The following RASGRP2 variants were observed in gnomAD, a reference collection of about 807,000 sequenced individuals.
The protein encoded by RASGRP2 is RAS guanyl releasing protein 2.
RASGRP2 carries 44 observed loss-of-function variants against 71.0 expected under a neutral mutation model. The observed-to-expected ratio is 0.62, with a 90% CI of 0.49 to 0.80. The LOEUF (loss-of-function observed/expected upper bound fraction) is 0.80. Ranked by LOEUF, RASGRP2 falls within the 30% of genes least tolerant of loss-of-function variation. The pLI, the probability that RASGRP2 is intolerant of heterozygous loss-of-function variation, is 0.00. For synonymous variants in RASGRP2, 350 were observed against 330.7 expected, an observed-to-expected ratio of 1.06 and a Z score of -0.63; for missense variants, 663 against 813.4, an observed-to-expected ratio of 0.82 and a Z score of 2.25.
chr11:64,734,267 G>A (rs1565505792), intron 12 of RASGRP2, among the ~76,000 whole-genome samples: 1 of 151,570 alleles, frequency 6.6e-6, no homozygotes, highest in Non-Finnish European at 1.5e-5. Context: ...AGCCGAGATT[G>A]TACCACTGCA....
At chr11:64,737,963 G>A (rs541183465) in intron 8 of RASGRP2, among the ~76,000 whole-genome samples, 17 of 151,780 alleles carry the variant, frequency 1.1e-4, no homozygotes, top group Non-Finnish European at 1.9e-4. Context: ...CGAGAATCAC[G>A]TAAACCCAGG....
At position 64,739,163 on chromosome 11, in the gene RASGRP2, G is replaced by A. The variant is rs898421712; in HGVS notation, c.813+197C>T. 2.6e-5 allele frequency among the ~76,000 whole-genome samples: 4 copies of A among 151,048 alleles called. No homozygotes were observed. Among genetic ancestry groups the A allele is most frequent in the Non-Finnish European group, 5.9e-5 (4 of 67,826 alleles). The stretch of plus-strand genomic sequence containing the variant: ...CTTAAAAAAAAAAAAAAAAGTACTA[G>A]CTTTGGGGTCCCTGACGACCTGTGA... On this transcript the variant is annotated intron_variant, in intron 8 of 16. Coordinates refer to ENST00000394432, the MANE Select transcript of RASGRP2 (RefSeq NM_001098671.2). This position sits in a 1 kb window ranked among gnomAD's most constrained non-coding sequence, Gnocchi z 4.2.
chr11:64,727,507 T>A (rs2057605218), intron 15 of RASGRP2, 147 bp from the exon 16 acceptor site: 1 of 3,376 alleles, frequency 3.0e-4, no homozygotes, highest in Non-Finnish European at 3.2e-3. Flanking sequence ...CACAGCCCAA[T>A]TTTTTTTTTT....
intron 12 of RASGRP2, among the ~76,000 whole-genome samples, chr11:64,731,632 G>A (rs747769604): frequency 3.3e-5 from 5 of 152,064 alleles, no homozygotes; most frequent in Non-Finnish European, 7.3e-5. Context: ...TAGAATAATG[G>A]ACAAGGAATC....
chr11:64,730,259 C>G, intron 12 of RASGRP2, 65 bp from the exon 13 acceptor site: 1 of 1,544,162 alleles, frequency 6.5e-7, no homozygotes, highest in Non-Finnish European at 8.8e-7. Context: ...GCTGGCCTAA[C>G]CCATCCCACT....
At chr11:64,738,413 C>T (rs1425283970) in intron 8 of RASGRP2, among the ~76,000 whole-genome samples, 1 of 152,092 alleles carries the variant, frequency 6.6e-6, no homozygotes, top group Non-Finnish European at 1.5e-5. Context: ...TACAATTTTT[C>T]TTTAAACTAT....
chr11:64,741,613 G>A (rs1447456295), intron 3 of RASGRP2, 112 bp from the exon 4 acceptor site: 4 of 977,276 alleles, frequency 4.1e-6, no homozygotes, highest in East Asian at 2.6e-5. Context: ...TGGGGCTTGC[G>A]CTCTGCGGAG....
At chr11:64,727,669 C>T (rs7930520) in intron 15 of RASGRP2, among the ~76,000 whole-genome samples, 5 of 152,042 alleles carry the variant, frequency 3.3e-5, no homozygotes, top group South Asian at 2.1e-4. Context: ...CCTGCCACCA[C>T]GCCCAGCTAA....
In RASGRP2 at chr11:64,729,949, T is replaced by G. The variant is rs1050899293; in HGVS notation, c.1554+104A>C. On this transcript the variant is annotated intron_variant, in intron 13 of 16. Transcript: ENST00000394432. ...AGAGGCAAATAGAATTACCAGGTTT[T>G]CCTGGCTTGAGAAGGGCTCTGGCAG... The G allele has an allele frequency of 2.6e-6, 4 of 1,527,048 alleles. No individual in the cohort carries two copies. The African/African-American group carries it at 5.5e-5, about 21-fold the overall frequency. 94.6% of individuals were successfully genotyped at this position (1,527,048 alleles called of 1,614,324 possible).
rs117091776 is a variant in RASGRP2 at position 64,740,419 on chromosome 11, C to T, written c.372-256G>A. ...TGGGAATACAGAGATGAGTAAGACA[C>T]GGTTCCTGCCCTCGAGGAGCTCACA... On this transcript the variant is annotated intron_variant, in intron 5 of 16. Coordinates refer to ENST00000394432, the MANE Select transcript of RASGRP2 (RefSeq NM_001098671.2). 621 of 667,010 alleles carry T rather than the reference C, an allele frequency of 9.3e-4. 1 individual carries two copies. The East Asian group carries it at 0.013, about 13-fold the overall frequency. The allele number at this position is 667,010 out of a possible 1,614,324, so 41.3% of individuals were successfully genotyped here.
chr11:64,730,485 T>C (rs2057730652), intron 12 of RASGRP2, among the ~76,000 whole-genome samples: 1 of 152,232 alleles, frequency 6.6e-6, no homozygotes, highest in African/African-American at 2.4e-5. Flanking sequence ...GTACTTTCCA[T>C]GGAACCATCA....
In RASGRP2 at chr11:64,742,025, G is replaced by C; in HGVS notation, c.161C>G (p.Ala54Gly). 1.2e-6 allele frequency: 2 copies of C among 1,610,568 alleles called. No individual in the cohort carries two copies. Among genetic ancestry groups the C allele is most frequent in the Non-Finnish European group, 1.7e-6 (2 of 1,178,358 alleles). Residue 54 changes from alanine (A) to glycine (G), a missense_variant, in exon 3 of 17, where the codon GCC (alanine) becomes GGC (glycine). Ala to Gly is a moderately conservative substitution (Grantham distance 60). Transcript: ENST00000394432. The surrounding 1 kb of genome is among the most constrained non-coding windows in gnomAD (Gnocchi z 4.7). ...CGAAGGATATATGTGGAGCAGCTTGGCCGCCAGCTGAGAGGAGGGGATGTA... is the reference window on the plus strand; with the variant it reads ...CGAAGGATATATGTGGAGCAGCTTGCCCGCCAGCTGAGAGGAGGGGATGTA... Reference protein sequence around the residue: ...PWYIPSSQLAAKLLHIYQQSR... With the variant: ...PWYIPSSQLAGKLLHIYQQSR...
rs2058039471 is a variant in RASGRP2 at position 64,739,155 on chromosome 11, A to C, written c.813+205T>G. Among the ~76,000 whole-genome samples the C allele has an allele frequency of 6.6e-6, 1 of 151,606 alleles. No homozygotes were observed. The highest frequency in any genetic ancestry group is 2.4e-5 in the African/African-American group (1 of 41,216). ...GACCCTGTCTTAAAAAAAAAAAAAA[A>C]AGTACTAGCTTTGGGGTCCCTGACG... On this transcript the variant is annotated intron_variant, in intron 8 of 16. Coordinates refer to ENST00000394432, the MANE Select transcript of RASGRP2 (RefSeq NM_001098671.2). This position sits in a 1 kb window ranked among gnomAD's most constrained non-coding sequence, Gnocchi z 4.2.
chr11:64,742,611 G>C lies in RASGRP2; in HGVS notation c.73+183C>G. On this transcript the variant is annotated intron_variant, in intron 2 of 16. Transcript: ENST00000394432. This position sits in a 1 kb window ranked among gnomAD's most constrained non-coding sequence, Gnocchi z 4.7. ...AGGCTAGAGAAGGGAAACCTCATCT[G>C]TCTGAAGGGCGTGCATCTCTCTGCC... The C allele has an allele frequency of 1.2e-6, 1 of 812,980 alleles. No homozygotes were observed. Among genetic ancestry groups the C allele is most frequent in the South Asian group, 1.6e-5 (1 of 63,824 alleles). The allele number at this position is 812,980 out of a possible 1,614,324, so 50.4% of individuals were successfully genotyped here. A position where few individuals can be genotyped will look rare whatever the true frequency, so the allele number is the denominator to read the frequency against.
Position 64,742,428 on chromosome 11 carries a change from G to A in RASGRP2, c.74-316C>T. 1 of 563,790 alleles carries A rather than the reference G, an allele frequency of 1.8e-6. No individual in the cohort carries two copies. Among genetic ancestry groups the A allele is most frequent in the Non-Finnish European group, 3.2e-6 (1 of 313,482 alleles). 34.9% of individuals were successfully genotyped at this position (563,790 alleles called of 1,614,324 possible). On this transcript the variant is annotated intron_variant, in intron 2 of 16. Transcript: ENST00000394432. This position sits in a 1 kb window ranked among gnomAD's most constrained non-coding sequence, Gnocchi z 4.7. ...AGAGGTCATTTCCTGAGCGCTTGGG[G>A]GGAAGGGGCACCCCTTCACCAGATA...
chr11:64,737,249 C>T (rs1565511700), intron 8 of RASGRP2: 2 of 603,682 alleles, frequency 3.3e-6, no homozygotes, highest in Non-Finnish European at 5.9e-6. Context: ...AGCACCACAC[C>T]TCTAAACCAG....
At chr11:64,741,539 A>C in intron 3 of RASGRP2, 38 bp from the exon 4 acceptor site, 1 of 1,506,956 alleles carries the variant, frequency 6.6e-7, no homozygotes, top group Non-Finnish European at 9.1e-7. Flanking sequence ...TAACTCTAGA[A>C]AGGGAGGCCT....
At chr11:64,728,830 T>G in intron 15 of RASGRP2, 33 bp downstream of exon 15, 1 of 1,559,772 alleles carries the variant, frequency 6.4e-7, no homozygotes, top group Non-Finnish European at 8.8e-7. Flanking sequence ...CATCCTTCCC[T>G]CCACAGGCCA....
intron 3 of RASGRP2, among the ~76,000 whole-genome samples, 160 bp downstream of exon 3, chr11:64,741,850 G>T (rs1301413260): frequency 6.6e-5 from 10 of 152,170 alleles, no homozygotes; most frequent in East Asian, 1.9e-4. Flanking sequence ...CAAGGAGGGG[G>T]CAGAGCCTAG....
Sources: allele counts gnomAD v4.1 joint callset (sites outside exome capture counted in the v4.1 genomes callset), GRCh38; gene constraint gnomAD v4.1.1; non-coding constraint Gnocchi (gnomAD v3.1); transcripts MANE v1.5; gene names NCBI Gene and HGNC (gene_info 2026-07-23, HGNC 2026-07-21).